COLQ: variants seen among roughly 807,000 people sequenced by gnomAD.
The protein encoded by COLQ is collagen like tail subunit of asymmetric acetylcholinesterase.
In COLQ, 48 loss-of-function variants were observed where a neutral mutation model predicts 69.0. The ratio of observed to expected loss-of-function variants is 0.70; its 90% CI spans 0.55 to 0.88. The LOEUF (loss-of-function observed/expected upper bound fraction) is 0.88. Among genes scored for constraint, COLQ ranks in the 40% least tolerant of loss-of-function variants. COLQ has a pLI of 0.00. For missense variants in COLQ, 618 were observed against 594.6 expected, an observed-to-expected ratio of 1.04 and a Z score of -0.41; for synonymous variants, 217 against 211.2, an observed-to-expected ratio of 1.03 and a Z score of -0.24.
At chr3:15,453,649 T>G (rs1270891990) in intron 16 of COLQ, among the ~76,000 whole-genome samples, 180 bp downstream of exon 16, 1 of 152,182 alleles carries the variant, frequency 6.6e-6, no homozygotes, top group Non-Finnish European at 1.5e-5. Flanking sequence ...CAGGCAGTGC[T>G]GACCAAGAGG....
rs775378934 is a variant in COLQ, at chr3:15,470,630, A to G, written c.637-14T>C. On this transcript the variant is annotated splice_polypyrimidine_tract_variant and intron_variant, in intron 10 of 16. Coordinates refer to ENST00000383788, the MANE Select transcript of COLQ (RefSeq NM_005677.4). ...ACCCATTTCACCCTGGAAAGAAGGA[A>G]AGAGAAGCAAGAGAGGACTTAGGGC... 6.2e-7 allele frequency: 1 copy of G among 1,613,300 alleles called. No individual in the cohort carries two copies. The highest frequency in any genetic ancestry group is 8.5e-7 in the Non-Finnish European group (1 of 1,179,284).
rs568283420 is a variant in COLQ at position 15,521,642 on chromosome 3, C to T, written c.-17G>A. The T allele has an allele frequency of 2.3e-5, 37 of 1,613,904 alleles. No individual in the cohort carries two copies. The highest frequency in any genetic ancestry group is 4.5e-5 in the East Asian group (2 of 44,876). On this transcript the variant is annotated 5_prime_UTR_variant, in exon 1 of 17. Transcript: ENST00000383788. ...GACAACCATGCTGGCCAGGGTCTGG[C>T]GAGGGTCAAGTTAGAAAGGAGGCTG...
intron 3 of COLQ, among the ~76,000 whole-genome samples, chr3:15,483,174 T>C (rs549586020): frequency 1.3e-5 from 2 of 152,336 alleles, no homozygotes; most frequent in East Asian, 1.9e-4. Context: ...CCTGGATTCA[T>C]TGATTTTTTT....
intron 13 of COLQ, 37 bp downstream of exon 13, chr3:15,458,149 C>A (rs375903795): frequency 6.2e-7 from 1 of 1,611,432 alleles, no homozygotes; most frequent in African/African-American, 1.3e-5. Context: ...GAGGTCCTCA[C>A]GGATAACCAC....
At position 15,505,941 on chromosome 3, in the gene COLQ, C is replaced by T. The variant is rs566563165; in HGVS notation, c.106+15579G>A. On this transcript the variant is annotated intron_variant, in intron 1 of 16. Transcript: ENST00000383788. Reference sequence around the variant, plus strand: ...TCCTTTCCCTAGATCCATCCCTGCACCCCCCATCCCACCTCCAGGATCTAT... The same window carrying T: ...TCCTTTCCCTAGATCCATCCCTGCATCCCCCATCCCACCTCCAGGATCTAT... Among the ~76,000 whole-genome samples the T allele has an allele frequency of 2.0e-5, 3 of 150,006 alleles. No individual in the cohort carries two copies. The East Asian group carries it at 5.8e-4, about 29-fold the overall frequency.
intron 16 of COLQ, among the ~76,000 whole-genome samples, chr3:15,452,831 A>C (rs1235178131): frequency 1.3e-5 from 2 of 152,090 alleles, no homozygotes; most frequent in African/African-American, 4.8e-5. Context: ...CTAATATCTG[A>C]GTGTTAGGGA....
At chr3:15,461,106 ACT>A (rs2062105000) in intron 12 of COLQ, among the ~76,000 whole-genome samples, 1 of 151,876 alleles carries the variant, frequency 6.6e-6, no homozygotes, top group African/African-American at 2.4e-5. Context: ...ATTCACTTAT[ACT>A]CTGTCTGGGT....
chr3:15,451,404 G>C lies in COLQ; in HGVS notation c.*240C>G. On this transcript the variant is annotated 3_prime_UTR_variant, in exon 17 of 17. Coordinates refer to ENST00000383788, the MANE Select transcript of COLQ (RefSeq NM_005677.4). ...TGTTTGGCCAAATGGTAGCGATGGGGAACAGGTCTCAGGTTGGGCATGTGG... is the reference window on the plus strand; with the variant it reads ...TGTTTGGCCAAATGGTAGCGATGGGCAACAGGTCTCAGGTTGGGCATGTGG... 4.5e-6 allele frequency: 3 copies of C among 659,796 alleles called. No individual in the cohort carries two copies. Among genetic ancestry groups the C allele is most frequent in the South Asian group, 1.7e-5 (1 of 57,368 alleles). The allele number at this position is 659,796 out of a possible 1,614,324, so 40.9% of individuals were successfully genotyped here. A position where few individuals can be genotyped will look rare whatever the true frequency, so the allele number is the denominator to read the frequency against.
intron 1 of COLQ, chr3:15,498,402 G>A: frequency 8.8e-7 from 1 of 1,132,120 alleles, no homozygotes; most frequent in Non-Finnish European, 1.2e-6. Flanking sequence ...AAAATTTAAA[G>A]GCTGCTAAAA....
At chr3:15,456,210 C>G (rs1356317263) in intron 14 of COLQ, among the ~76,000 whole-genome samples, 191 bp from the exon 15 acceptor site, 1 of 149,204 alleles carries the variant, frequency 6.7e-6, no homozygotes, top group Non-Finnish European at 1.5e-5. Flanking sequence ...CAGATCAAGA[C>G]AGCAACCTGG....
intron 1 of COLQ, among the ~76,000 whole-genome samples, chr3:15,508,631 A>G (rs976811431): frequency 3.7e-4 from 56 of 152,246 alleles, no homozygotes; most frequent in Middle Eastern, 3.4e-3. Context: ...TCATCAAATT[A>G]TTCATCAAAT....
At chr3:15,499,503 C>A (rs1200143620) in intron 1 of COLQ, among the ~76,000 whole-genome samples, 2 of 152,108 alleles carry the variant, frequency 1.3e-5, no homozygotes, top group African/African-American at 4.8e-5. Context: ...AGGACAGCAG[C>A]CATAGACAAT....
chr3:15,479,495 T>G, intron 3 of COLQ, 113 bp from the exon 4 acceptor site: 1 of 1,054,696 alleles, frequency 9.5e-7, no homozygotes, highest in South Asian at 1.3e-5. Context: ...TCTGGGCAGA[T>G]GTAGGGCTCC....
chr3:15,501,496 C>T (rs541585420), intron 1 of COLQ, among the ~76,000 whole-genome samples: 1 of 152,334 alleles, frequency 6.6e-6, no homozygotes, highest in South Asian at 2.1e-4. Context: ...CTCCCACCAG[C>T]CCTGGAGCAC....
chr3:15,517,567 T>C (rs573885932), intron 1 of COLQ, among the ~76,000 whole-genome samples: 91 of 152,214 alleles, frequency 6.0e-4, no homozygotes, highest in African/African-American at 2.1e-3. Flanking sequence ...GACCCATAAG[T>C]GAGTCCAGCC....
chr3:15,482,695 G>C (rs978831594), intron 3 of COLQ, among the ~76,000 whole-genome samples: 20 of 152,176 alleles, frequency 1.3e-4, no homozygotes, highest in African/African-American at 4.8e-4. Flanking sequence ...TCTCTGCCAG[G>C]CTTTGGTATC....
At chr3:15,481,038 C>A (rs1334439330) in intron 3 of COLQ, among the ~76,000 whole-genome samples, 1 of 152,086 alleles carries the variant, frequency 6.6e-6, no homozygotes, top group African/African-American at 2.4e-5. Flanking sequence ...TTGATTTTTT[C>A]TTGTAAATTT....
intron 6 of COLQ, among the ~76,000 whole-genome samples, chr3:15,475,909 G>A (rs1401144902): frequency 6.6e-6 from 1 of 152,104 alleles, no homozygotes; most frequent in Non-Finnish European, 1.5e-5. Context: ...ATTTGTGGTT[G>A]GGACTTCCAG....
chr3:15,491,989 T>C (rs138837881), intron 1 of COLQ, among the ~76,000 whole-genome samples: 275 of 150,700 alleles, frequency 1.8e-3, no homozygotes, highest in African/African-American at 6.5e-3. Context: ...ACCTGGGAGA[T>C]GGAGGTTGCA....
Sources: gnomAD v4.1 joint callset for allele counts (sites outside exome capture counted in the v4.1 genomes callset) on GRCh38, gnomAD v4.1.1 for gene constraint, MANE v1.5 for transcripts, NCBI Gene and HGNC (gene_info 2026-07-23, HGNC 2026-07-21) for gene names.